ADAMTS17: variants seen among roughly 807,000 people sequenced by gnomAD.
The protein encoded by ADAMTS17 is A disintegrin and metalloproteinase with thrombospondin motifs 17.
A neutral mutation model predicts 141.5 loss-of-function variants in ADAMTS17; 113 were observed. The observed-to-expected ratio is 0.80, with a 90% CI of 0.69 to 0.93. The LOEUF (loss-of-function observed/expected upper bound fraction) is 0.93. ADAMTS17 is among the 40% of genes least tolerant of loss of function. ADAMTS17 has a pLI of 0.00. For missense variants in ADAMTS17, 1,659 were observed against 1,517.9 expected, an observed-to-expected ratio of 1.09 and a Z score of -1.54; for synonymous variants, 768 against 630.6, an observed-to-expected ratio of 1.22 and a Z score of -3.27.
At chr15:100,213,157 C>A (rs2041862472) in intron 7 of ADAMTS17, among the ~76,000 whole-genome samples, 1 of 152,126 alleles carries the variant, frequency 6.6e-6, no homozygotes, top group Admixed American at 6.5e-5. Flanking sequence ...CTGGTCCCAA[C>A]TGCAGGGCCT....
At chr15:100,158,316 T>TA (rs961415016) in intron 8 of ADAMTS17, among the ~76,000 whole-genome samples, 3 of 152,216 alleles carry the variant, frequency 2.0e-5, no homozygotes, top group Admixed American at 6.5e-5. Context: ...CATTCAGCTT[T>TA]AAAAAAATCC....
chr15:100,105,581 T>C (rs753124976), intron 14 of ADAMTS17, among the ~76,000 whole-genome samples: 6 of 152,116 alleles, frequency 3.9e-5, no homozygotes, highest in African/African-American at 1.4e-4. Context: ...ACCAACGTGA[T>C]AGTATTTGGG....
intron 10 of ADAMTS17, among the ~76,000 whole-genome samples, chr15:100,148,811 T>C (rs76657148): frequency 0.015 from 2,246 of 150,742 alleles, 54 homozygotes; most frequent in African/African-American, 0.053. Flanking sequence ...GTAGGCCTCA[T>C]TGAGAAGCTT....
Position 100,019,367 on chromosome 15 carries a change from G to A in ADAMTS17, c.2592-21778C>T, listed in dbSNP as rs117473787. ...TATCTGTAACATATTATGACTTAAC[G>A]GATGTGAAATGAATACAGCGATTGT... On this transcript the variant is annotated intron_variant, in intron 18 of 21. Transcript: ENST00000268070. Among the ~76,000 whole-genome samples, 309 of 152,308 alleles carry A rather than the reference G, an allele frequency of 2.0e-3. 2 individuals carry two copies. Among genetic ancestry groups the A allele is most frequent in the Non-Finnish European group, 3.5e-3 (241 of 68,014 alleles).
chr15:100,161,409 C>T (rs962485986), intron 8 of ADAMTS17, among the ~76,000 whole-genome samples: 1 of 151,814 alleles, frequency 6.6e-6, no homozygotes, highest in Non-Finnish European at 1.5e-5. Context: ...TTGGCTGAGT[C>T]TGTGGAATGA....
rs75185447 is a variant in ADAMTS17, at chr15:100,239,259, G to T, written c.1075+14877C>A. On this transcript the variant is annotated intron_variant, in intron 7 of 21. Coordinates refer to ENST00000268070, the MANE Select transcript of ADAMTS17 (RefSeq NM_139057.4). ...AGAACAGCAGCAGCTCCCGCACACT[G>T]TTGTGCAGATTAAATGACCCAAGAC... Among the ~76,000 whole-genome samples the T allele has an allele frequency of 8.2e-3, 1,253 of 152,326 alleles. 16 individuals are homozygous for T. Among genetic ancestry groups the T allele is most frequent in the African/African-American group, 0.025 (1,025 of 41,574 alleles).
rs1317474458 is a variant in ADAMTS17, at chr15:100,096,358, G to C, written c.2135C>G (p.Thr712Arg). ...VKGDFSHARGTALKDSGKGSI... is the reference protein window; with the variant it reads ...VKGDFSHARGRALKDSGKGSI... ...CAGCCCCATGGGCCAACACTCACCT[G>C]TCCCCCGGGCGTGGCTGAAGTCGCC... Residue 712 changes from threonine (T) to arginine (R), a missense_variant and splice_region_variant, in exon 15 of 22, where the codon ACA becomes AGA. Transcript: ENST00000268070. 4 of 1,613,474 alleles carry C rather than the reference G, an allele frequency of 2.5e-6. No homozygotes were observed. The highest frequency in any genetic ancestry group is 1.3e-5 in the African/African-American group (1 of 74,930).
At chr15:100,167,604 A>C (rs79658010) in intron 8 of ADAMTS17, among the ~76,000 whole-genome samples, 2,828 of 152,244 alleles carry the variant, frequency 0.019, 104 homozygotes, top group African/African-American at 0.064. Context: ...TGTGACCTCA[A>C]GCAGGAAGGG....
chr15:100,176,262 C>G (rs568378825), intron 8 of ADAMTS17, among the ~76,000 whole-genome samples: 1 of 152,282 alleles, frequency 6.6e-6, no homozygotes, highest in East Asian at 1.9e-4. Flanking sequence ...AGGAAGGGCT[C>G]TATCAGTGCT....
At chr15:100,228,062 C>T (rs151225426) in intron 7 of ADAMTS17, among the ~76,000 whole-genome samples, 28 of 152,326 alleles carry the variant, frequency 1.8e-4, no homozygotes, top group Admixed American at 5.9e-4. Context: ...AGATACAGCC[C>T]TGCCTTATTT....
chr15:100,011,643 T>C (rs1402381251), intron 18 of ADAMTS17, among the ~76,000 whole-genome samples: 2 of 152,192 alleles, frequency 1.3e-5, no homozygotes, highest in African/African-American at 4.8e-5. Context: ...GATCCTTGCA[T>C]TGATCCTATA....
intron 18 of ADAMTS17, among the ~76,000 whole-genome samples, chr15:100,000,056 C>A (rs1456005310): frequency 2.6e-5 from 4 of 152,154 alleles, no homozygotes; most frequent in African/African-American, 9.7e-5. Context: ...ACAAGTGGCA[C>A]ATTGTCCATA....
intron 7 of ADAMTS17, among the ~76,000 whole-genome samples, chr15:100,225,630 G>GC (rs1241912919): frequency 6.8e-6 from 1 of 147,744 alleles, no homozygotes; most frequent in Non-Finnish European, 1.5e-5. Flanking sequence ...CGGTCTCTGT[G>GC]CCATTCAGTC....
intron 3 of ADAMTS17, among the ~76,000 whole-genome samples, chr15:100,327,365 C>A (rs557123105): frequency 1.3e-5 from 2 of 152,078 alleles, no homozygotes; most frequent in Non-Finnish European, 2.9e-5. Flanking sequence ...ACAATGATAA[C>A]AGAACTTAAC....
rs191340761 is a variant in ADAMTS17 at position 100,255,279 on chromosome 15, A to C, written c.1032-1100T>G. 8.5e-5 allele frequency among the ~76,000 whole-genome samples: 13 copies of C among 152,272 alleles called. No homozygotes were observed. The East Asian group carries it at 2.5e-3, about 29-fold the overall frequency. On this transcript the variant is annotated intron_variant, in intron 6 of 21. Transcript: ENST00000268070. ...TGGGGCAGGACTCAGCCGGCTGAGG[A>C]GCCACAACCTGGCCCAGACACGGCC...
rs2573651 is a variant in ADAMTS17 at position 99,973,904 on chromosome 15, T to A, written c.*498A>T. 7.9e-5 allele frequency: 18 copies of A among 226,464 alleles called. No homozygotes were observed. Among genetic ancestry groups the A allele is most frequent in the Non-Finnish European group, 1.4e-4 (16 of 113,150 alleles). 14.0% of individuals were successfully genotyped at this position (226,464 alleles called of 1,614,324 possible). On this transcript the variant is annotated 3_prime_UTR_variant, in exon 22 of 22. Coordinates refer to ENST00000268070, the MANE Select transcript of ADAMTS17 (RefSeq NM_139057.4). ...AAGAAGGTAGATGGAGAGAAACGTGTGCTAAGCAGCCCGGCCCTCCCCAGA... is the reference window on the plus strand; with the variant it reads ...AAGAAGGTAGATGGAGAGAAACGTGAGCTAAGCAGCCCGGCCCTCCCCAGA...
intron 3 of ADAMTS17, among the ~76,000 whole-genome samples, chr15:100,312,834 C>T (rs1226470547): frequency 6.6e-6 from 1 of 151,512 alleles, no homozygotes; most frequent in Non-Finnish European, 1.5e-5. Context: ...GTACCAAAGG[C>T]CCTGTGACCT....
chr15:100,090,731 G>A (rs939953143), intron 15 of ADAMTS17, among the ~76,000 whole-genome samples: 12 of 152,106 alleles, frequency 7.9e-5, no homozygotes, highest in African/African-American at 2.7e-4. Context: ...AAACCAGCTG[G>A]GCGCAGTGGC....
intron 7 of ADAMTS17, among the ~76,000 whole-genome samples, chr15:100,214,347 G>A (rs1350047834): frequency 6.6e-6 from 1 of 152,094 alleles, no homozygotes; most frequent in African/African-American, 2.4e-5. Context: ...CCAAAAAAAG[G>A]GACAAAAGAA....
Sources: allele counts gnomAD v4.1 joint callset (sites outside exome capture counted in the v4.1 genomes callset), GRCh38; gene constraint gnomAD v4.1.1; transcripts MANE v1.5; gene names NCBI Gene and HGNC (gene_info 2026-07-23, HGNC 2026-07-21).